C8A: variants seen among roughly 807,000 people sequenced by gnomAD.
C8A encodes the protein complement C8 alpha chain, also known as complement component C8 alpha chain.
Under a neutral mutation model 65.3 loss-of-function variants are expected in C8A, and 67 were observed. The ratio of observed to expected loss-of-function variants is 1.03; its 90% CI spans 0.84 to 1.26. The LOEUF (loss-of-function observed/expected upper bound fraction) is 1.26. C8A is among the 50% of genes most tolerant of loss of function. C8A has a pLI of 0.00. For missense variants in C8A, 781 were observed against 723.9 expected (o/e 1.08, Z -0.90); for synonymous variants, 290 against 259.4 (o/e 1.12, Z -1.13).
chr1:56,877,470 G>A (rs1027024666), intron 4 of C8A, among the ~76,000 whole-genome samples: 1 of 152,112 alleles, frequency 6.6e-6, no homozygotes, highest in Admixed American at 6.6e-5. Flanking sequence ...CAGGCTAGGG[G>A]CTCCTTGTCA....
rs1281713502 is a variant in C8A at position 56,916,892 on chromosome 1, C to T, written c.1604-673C>T. On this transcript the variant is annotated intron_variant, in intron 10 of 10. Transcript: ENST00000361249. ...TGCTCTGTGCAGACAGCCTGTCACC[C>T]TCTGCGGCTCCATTGCCAGAATCTG... is the stretch of plus-strand genomic sequence containing the variant. Among the ~76,000 whole-genome samples the T allele has an allele frequency of 3.3e-5, 5 of 152,306 alleles. No homozygotes were observed. The East Asian group carries it at 9.7e-4, about 29-fold the overall frequency.
chr1:56,859,971 G>A (rs1387550734), intron 1 of C8A, among the ~76,000 whole-genome samples: 6 of 152,312 alleles, frequency 3.9e-5, no homozygotes, highest in South Asian at 2.1e-4. Context: ...ACTGAGGCAC[G>A]AGAATTGCTT....
In C8A at chr1:56,854,896, G is replaced by A. The variant is rs1376224644; in HGVS notation, c.-6G>A. ...AGGTAATATAGTGCGGTGGCTTCTG[G>A]CTGAGATGTTTGCTGTTGTTTTCTT... On this transcript the variant is annotated 5_prime_UTR_variant, in exon 1 of 11. Transcript: ENST00000361249. 6.2e-7 allele frequency: 1 copy of A among 1,612,900 alleles called. No individual in the cohort carries two copies.
intron 2 of C8A, 125 bp from the exon 3 acceptor site, chr1:56,874,824 C>A: frequency 9.4e-7 from 1 of 1,061,244 alleles, no homozygotes; most frequent in Non-Finnish European, 1.4e-6. Context: ...CAAAAGACAG[C>A]TTCACAGGCA....
rs552689824 is a variant in C8A at position 56,857,697 on chromosome 1, C to T, written c.77+2719C>T. Among the ~76,000 whole-genome samples, 16 of 151,650 alleles carry T rather than the reference C, an allele frequency of 1.1e-4. No individual in the cohort carries two copies. The South Asian group carries it at 2.7e-3, about 26-fold the overall frequency. ...TGTTTTCTATGTGTCCCATGTCTTC[C>T]TTGTTTCTATTTTTTTCTTTTTTTG... is the stretch of plus-strand genomic sequence containing the variant. On this transcript the variant is annotated intron_variant, in intron 1 of 10. Transcript: ENST00000361249.
At chr1:56,903,835 T>C (rs1644444137) in intron 7 of C8A, among the ~76,000 whole-genome samples, 1 of 152,148 alleles carries the variant, frequency 6.6e-6, no homozygotes, top group Non-Finnish European at 1.5e-5. Flanking sequence ...TTGATAGAGG[T>C]TGGGCCTAGT....
chr1:56,883,223 C>CTGTGTGTGTGTG (rs3835681), intron 5 of C8A, among the ~76,000 whole-genome samples: 8 of 150,240 alleles, frequency 5.3e-5, no homozygotes, highest in Non-Finnish European at 1.0e-4. Context: ...TCATCTGCAT[C>CTGTGTGTGTGTG]TGTGTGTGTG....
chr1:56,897,864 G>A (rs892857592), intron 7 of C8A, among the ~76,000 whole-genome samples: 2 of 152,130 alleles, frequency 1.3e-5, no homozygotes, highest in Non-Finnish European at 2.9e-5. Flanking sequence ...TGGGAACACA[G>A]GGGTGAGACA....
In C8A at chr1:56,876,097, G is replaced by T; in HGVS notation, c.352G>T (p.Asp118Tyr). The T allele has an allele frequency of 1.9e-6, 3 of 1,613,836 alleles. No individual in the cohort carries two copies. Among genetic ancestry groups the T allele is most frequent in the East Asian group, 2.2e-5 (1 of 44,804 alleles). Residue 118 changes from aspartate (D) to tyrosine (Y), a missense_variant, in exon 4 of 11, where the codon GAC (aspartate) becomes TAC (tyrosine). Coordinates refer to ENST00000361249, the MANE Select transcript of C8A (RefSeq NM_000562.3). ...GAAACGCCACCTTGTGTGTAATGGA[G>T]ACCAGGACTGCCTTGATGGCTCTGA... ...CLKRHLVCNGDQDCLDGSDED... is the reference protein window; with the variant it reads ...CLKRHLVCNGYQDCLDGSDED...
intron 7 of C8A, among the ~76,000 whole-genome samples, chr1:56,899,413 G>A (rs957927556): frequency 6.6e-6 from 1 of 152,004 alleles, no homozygotes; most frequent in South Asian, 2.1e-4. Context: ...GTATAACCTG[G>A]GCAAGTGACA....
chr1:56,899,017 C>G (rs1644405924), intron 7 of C8A, among the ~76,000 whole-genome samples: 1 of 152,112 alleles, frequency 6.6e-6, no homozygotes, highest in South Asian at 2.1e-4. Flanking sequence ...CAACCAGTCA[C>G]CCGAACAGAC....
chr1:56,861,468 C>G (rs1031423551), intron 1 of C8A, among the ~76,000 whole-genome samples: 2 of 152,154 alleles, frequency 1.3e-5, no homozygotes, highest in Non-Finnish European at 2.9e-5. Flanking sequence ...AACCCACTCA[C>G]TACCACAAGA....
At chr1:56,881,052 T>G (rs1017498281) in intron 4 of C8A, among the ~76,000 whole-genome samples, 4 of 152,202 alleles carry the variant, frequency 2.6e-5, no homozygotes, top group African/African-American at 9.6e-5. Context: ...AATAGGACTG[T>G]CTAGATGATC....
intron 6 of C8A, among the ~76,000 whole-genome samples, chr1:56,885,287 T>C (rs1184122502): frequency 7.1e-6 from 1 of 139,924 alleles, no homozygotes; most frequent in African/African-American, 2.8e-5. Flanking sequence ...TATATTTACA[T>C]AAATATATAT....
intron 7 of C8A, 60 bp downstream of exon 7, chr1:56,886,227 G>A: frequency 6.2e-7 from 1 of 1,605,400 alleles, no homozygotes. Context: ...GTCATGGTTT[G>A]AAGTTTTCTA....
At chr1:56,891,188 G>T (rs1174916886) in intron 7 of C8A, among the ~76,000 whole-genome samples, 1 of 152,056 alleles carries the variant, frequency 6.6e-6, no homozygotes, top group Middle Eastern at 3.2e-3. Flanking sequence ...GAGATCCAAA[G>T]GATAAGGAGA....
At chr1:56,897,660 T>A (rs749928516) in intron 7 of C8A, among the ~76,000 whole-genome samples, 2 of 152,142 alleles carry the variant, frequency 1.3e-5, no homozygotes, top group Non-Finnish European at 2.9e-5. Flanking sequence ...TAAATTACCA[T>A]CACATTTATA....
Position 56,866,945 on chromosome 1 carries a change from C to T in C8A, c.78-664C>T, listed in dbSNP as rs117417779. Reference sequence around the variant, plus strand: ...ATCAAACCAACTAGTTCCAATTTTGCCTCTGTCATTCCTGGGTTATGACTT... The same window carrying T: ...ATCAAACCAACTAGTTCCAATTTTGTCTCTGTCATTCCTGGGTTATGACTT... On this transcript the variant is annotated intron_variant, in intron 1 of 10. Transcript: ENST00000361249. 1.8e-3 allele frequency among the ~76,000 whole-genome samples: 272 copies of T among 152,252 alleles called. 8 individuals carry two copies. In the East Asian group the frequency reaches 0.05, roughly 28 times the overall value.
In C8A at chr1:56,883,495, T is replaced by C. The variant is rs144315179; in HGVS notation, c.669T>C (p.Thr223=). 295 of 1,613,452 alleles carry C rather than the reference T, an allele frequency of 1.8e-4. No homozygotes were observed. Among genetic ancestry groups the C allele is most frequent in the Non-Finnish European group, 1.9e-4 (230 of 1,179,630 alleles). The change falls in exon 6 of 11, where the codon ACT becomes ACC. Residue 223 remains threonine, a synonymous_variant. Transcript: ENST00000361249. ...TTTTTTTTCAGGCCCTGGCAGATAC[T>C]GGAATCTCCTCAGAGTTTTATGATA... ...LKYHFEALAD[T]GISSEFYDNA... is the part of the protein sequence containing the mutation.
Sources: gnomAD v4.1 joint callset for allele counts (sites outside exome capture counted in the v4.1 genomes callset) on GRCh38, gnomAD v4.1.1 for gene constraint, MANE v1.5 for transcripts, NCBI Gene and HGNC (gene_info 2026-07-23, HGNC 2026-07-21) for gene names.